ATG5: variants seen among roughly 807,000 people sequenced by gnomAD.
ATG5 encodes the protein autophagy related 5.
ATG5 carries 14 observed loss-of-function variants against 36.5 expected under a neutral mutation model. The ratio of observed to expected loss-of-function variants is 0.38; its 90% CI spans 0.25 to 0.60. The LOEUF is 0.60. Ranked by LOEUF, ATG5 falls within the 20% of genes least tolerant of loss-of-function variation. ATG5 has a pLI of 0.60. For missense variants in ATG5, 195 were observed against 326.7 expected, an observed-to-expected ratio of 0.60 and a Z score of 3.11; for synonymous variants, 95 against 101.5, an observed-to-expected ratio of 0.94 and a Z score of 0.38.
rs531570529 is a variant in ATG5 at position 106,248,264 on chromosome 6, T to C, written c.479-20A>G. The C allele has an allele frequency of 3.2e-6, 5 of 1,546,008 alleles. No homozygotes were observed. The highest frequency in any genetic ancestry group is 4.5e-6 in the Non-Finnish European group (5 of 1,120,232). On this transcript the variant is annotated intron_variant, in intron 5 of 7. Transcript: ENST00000369076. Reference sequence around the variant, plus strand: ...ATCTGTCTGTAATGATATAAATTATTTGTTATTAAAAATGAACAACATTAT... The same window carrying C: ...ATCTGTCTGTAATGATATAAATTATCTGTTATTAAAAATGAACAACATTAT...
intron 6 of ATG5, among the ~76,000 whole-genome samples, chr6:106,229,640 CGACCCTATAACA>C (rs1304769076): frequency 1.3e-5 from 2 of 152,172 alleles, no homozygotes; most frequent in Non-Finnish European, 2.9e-5. Flanking sequence ...GTCTTCTCCG[CGACCCTATAACA>C]CTCCAATACT....
At chr6:106,194,663 A>G (rs2284194) in intron 7 of ATG5, among the ~76,000 whole-genome samples, 63,953 of 151,528 alleles carry the variant, frequency 0.42, 13,776 homozygotes, top group Admixed American at 0.52. Flanking sequence ...TCAGCCTCCC[A>G]AGTAGCTGGG....
intron 7 of ATG5, among the ~76,000 whole-genome samples, chr6:106,190,749 AT>A (rs930961386): frequency 6.6e-6 from 1 of 152,180 alleles, no homozygotes; most frequent in Non-Finnish European, 1.5e-5. Flanking sequence ...TAGAAAAAAA[AT>A]AAGAAGAAAA....
At chr6:106,210,206 C>T (rs1776803092) in intron 6 of ATG5, among the ~76,000 whole-genome samples, 1 of 152,168 alleles carries the variant, frequency 6.6e-6, no homozygotes, top group Non-Finnish European at 1.5e-5. Context: ...GGAAAAGCCC[C>T]TTAGGTGATC....
chr6:106,241,933 A>G (rs78876209), intron 6 of ATG5, among the ~76,000 whole-genome samples: 3,045 of 152,084 alleles, frequency 0.02, 48 homozygotes, highest in Non-Finnish European at 0.032. Flanking sequence ...ACACACACAC[A>G]CTACCACCAC....
chr6:106,222,145 T>A (rs997706744), intron 6 of ATG5, among the ~76,000 whole-genome samples: 4 of 152,164 alleles, frequency 2.6e-5, no homozygotes, highest in Non-Finnish European at 5.9e-5. Flanking sequence ...AGTGCTAGGA[T>A]TACATGCGTG....
chr6:106,273,497 A>G (rs551145051), intron 5 of ATG5, among the ~76,000 whole-genome samples: 3 of 152,336 alleles, frequency 2.0e-5, no homozygotes, highest in South Asian at 2.1e-4. Context: ...TTGCTTTACA[A>G]TCCTTGAATT....
At chr6:106,223,335 T>A (rs1052096740) in intron 6 of ATG5, among the ~76,000 whole-genome samples, 1 of 152,194 alleles carries the variant, frequency 6.6e-6, no homozygotes, top group African/African-American at 2.4e-5. Context: ...AATTTTAAAC[T>A]ATTCCAATAA....
chr6:106,292,358 G>A (rs1780343008), intron 4 of ATG5, among the ~76,000 whole-genome samples: 1 of 152,176 alleles, frequency 6.6e-6, no homozygotes, highest in Non-Finnish European at 1.5e-5. Flanking sequence ...GCAGAAGCAA[G>A]GTGGCTAAGG....
At chr6:106,273,749 A>G (rs1779541210) in intron 5 of ATG5, among the ~76,000 whole-genome samples, 2 of 152,208 alleles carry the variant, frequency 1.3e-5, no homozygotes, top group Admixed American at 6.5e-5. Context: ...TTATTCTACT[A>G]TAAGCAGAAG....
chr6:106,290,850 T>C (rs1382219782), intron 4 of ATG5, among the ~76,000 whole-genome samples: 1 of 152,122 alleles, frequency 6.6e-6, no homozygotes, highest in African/African-American at 2.4e-5. Flanking sequence ...TAACCACCGA[T>C]CTCATCAGAA....
At chr6:106,213,569 A>C (rs1469260166) in intron 6 of ATG5, among the ~76,000 whole-genome samples, 1 of 152,226 alleles carries the variant, frequency 6.6e-6, no homozygotes, top group African/African-American at 2.4e-5. Flanking sequence ...AAGTCATTTG[A>C]GTATTCAGAG....
rs1420932864 is a variant in ATG5, at chr6:106,186,343, T to G, written c.*197A>C. 3.7e-6 allele frequency: 2 copies of G among 547,524 alleles called. No individual in the cohort carries two copies. The highest frequency in any genetic ancestry group is 2.9e-5 in the South Asian group (1 of 34,770). The allele number at this position is 547,524 out of a possible 1,614,324, so 33.9% of individuals were successfully genotyped here. A position where few individuals can be genotyped will look rare whatever the true frequency, so the allele number is the denominator to read the frequency against. On this transcript the variant is annotated 3_prime_UTR_variant, in exon 8 of 8. Transcript: ENST00000369076. ...CACAGCTGAGGTTTAATGATGGCAG[T>G]GGAGGAAAGCAGAGGTGATGCAAAG...
chr6:106,255,341 A>C (rs1778759912), intron 5 of ATG5, among the ~76,000 whole-genome samples: 1 of 152,248 alleles, frequency 6.6e-6, no homozygotes, highest in South Asian at 2.1e-4. Flanking sequence ...TGAGAGGTTC[A>C]CAATTGCTAC....
intron 5 of ATG5, among the ~76,000 whole-genome samples, chr6:106,269,574 G>A (rs1018189666): frequency 6.6e-6 from 1 of 152,254 alleles, no homozygotes; most frequent in Non-Finnish European, 1.5e-5. Context: ...AAGGCCAGGT[G>A]AGAAATCGAG....
At chr6:106,221,510 A>C (rs2114428598) in intron 6 of ATG5, among the ~76,000 whole-genome samples, 1 of 152,034 alleles carries the variant, frequency 6.6e-6, no homozygotes, top group Non-Finnish European at 1.5e-5. Context: ...ACATGGTGAA[A>C]CCCCATCTCT....
chr6:106,250,488 A>C (rs997345172), intron 5 of ATG5, among the ~76,000 whole-genome samples: 3 of 152,224 alleles, frequency 2.0e-5, no homozygotes, highest in Non-Finnish European at 4.4e-5. Flanking sequence ...CTTCCGATTC[A>C]AAGTCCCCAA....
intron 4 of ATG5, among the ~76,000 whole-genome samples, chr6:106,291,568 GAATA>G (rs1780308813): frequency 6.6e-6 from 1 of 151,816 alleles, no homozygotes; most frequent in South Asian, 2.1e-4. Flanking sequence ...ATGAATGAGT[GAATA>G]AATAAACAAG....
chr6:106,246,211 A>G (rs1246385487), intron 6 of ATG5, among the ~76,000 whole-genome samples: 2 of 152,060 alleles, frequency 1.3e-5, no homozygotes, highest in Non-Finnish European at 2.9e-5. Context: ...TTAAGGAAAA[A>G]CTGCCCAAGT....
Sources: gnomAD v4.1 joint callset for allele counts (sites outside exome capture counted in the v4.1 genomes callset) on GRCh38, gnomAD v4.1.1 for gene constraint, MANE v1.5 for transcripts, NCBI Gene and HGNC (gene_info 2026-07-23, HGNC 2026-07-21) for gene names.